The following SEPTIN12 variants were observed in gnomAD, a reference collection of about 807,000 sequenced individuals.
SEPTIN12 encodes septin-12.
SEPTIN12 carries 42 observed loss-of-function variants against 37.7 expected under a neutral mutation model. The observed-to-expected ratio is 1.11, with a 90% CI of 0.87 to 1.44. The LOEUF (loss-of-function observed/expected upper bound fraction) is 1.44. Among genes scored for constraint, SEPTIN12 ranks in the 40% most tolerant of loss-of-function variants. The pLI, the probability that SEPTIN12 is intolerant of heterozygous loss-of-function variation, is 0.00. For synonymous variants in SEPTIN12, 254 were observed against 196.7 expected (o/e 1.29, Z -2.44); for missense variants, 613 against 479.2 (o/e 1.28, Z -2.61).
chr16:4,782,504 T>C (rs1157663625), intron 7 of SEPTIN12, among the ~76,000 whole-genome samples: 4 of 152,196 alleles, frequency 2.6e-5, no homozygotes, highest in Admixed American at 2.6e-4. Flanking sequence ...AACTGCATGT[T>C]TAAGCATTTG....
At chr16:4,785,269 C>A (rs1209037518) in intron 4 of SEPTIN12, among the ~76,000 whole-genome samples, 1 of 148,956 alleles carries the variant, frequency 6.7e-6, no homozygotes, top group African/African-American at 2.5e-5. Flanking sequence ...AAAAATTAGC[C>A]GGAAATTGCT....
intron 4 of SEPTIN12, 25 bp from the exon 5 acceptor site, chr16:4,784,093 C>T (rs2082406611): frequency 6.2e-7 from 1 of 1,613,204 alleles, no homozygotes; most frequent in Admixed American, 1.7e-5. Flanking sequence ...GGACCCTCCC[C>T]TCAGAACTGT....
chr16:4,779,690 C>T lies in SEPTIN12; in HGVS notation c.823G>A (p.Val275Met). The T allele has an allele frequency of 6.2e-7, 1 of 1,607,242 alleles. No homozygotes were observed. Among genetic ancestry groups the T allele is most frequent in the Non-Finnish European group, 8.5e-7 (1 of 1,173,808 alleles). Residue 275 changes from valine (V) to methionine (M), a missense_variant and splice_region_variant, in exon 8 of 10, where the codon GTG becomes ATG. Physicochemically the swap from Val to Met is conservative, Grantham distance 21. Transcript: ENST00000268231. ...GRKTKWGIIE[V>M]ENMAHCEFPL... is the part of the protein sequence containing the mutation. Reference sequence around the variant, plus strand: ...TCCTACCCAGGGGCCCCGCACTGACCTTCAATGATGCCCCACTTGGTCTTC... The same window carrying T: ...TCCTACCCAGGGGCCCCGCACTGACTTTCAATGATGCCCCACTTGGTCTTC...
chr16:4,789,650 G>T (rs1274484322), upstream of SEPTIN12, among the ~76,000 whole-genome samples: 1 of 151,872 alleles, frequency 6.6e-6, no homozygotes, highest in Admixed American at 6.6e-5. Flanking sequence ...TTTGAGACAC[G>T]GTCTCACTAT....
chr16:4,790,270 A>G (rs144544941), upstream of SEPTIN12, among the ~76,000 whole-genome samples: 788 of 152,294 alleles, frequency 5.2e-3, 2 homozygotes, highest in African/African-American at 0.018. Flanking sequence ...TGTTGCAACT[A>G]CTATGCAACT....
At chr16:4,786,935 C>T (rs1159868157) in intron 2 of SEPTIN12, among the ~76,000 whole-genome samples, 4 of 152,054 alleles carry the variant, frequency 2.6e-5, no homozygotes, top group African/African-American at 4.8e-5. Flanking sequence ...AGTACAGTGG[C>T]GCAATCTCGG....
intron 4 of SEPTIN12, among the ~76,000 whole-genome samples, chr16:4,784,550 G>C (rs1010270006): frequency 1.5e-5 from 2 of 129,644 alleles, no homozygotes; most frequent in Admixed American, 1.6e-4. Flanking sequence ...CAGGAGGATC[G>C]CTCGAGCCCA....
At chr16:4,787,349 C>A in intron 2 of SEPTIN12, 131 bp downstream of exon 2, 1 of 834,720 alleles carries the variant, frequency 1.2e-6, no homozygotes, top group Non-Finnish European at 2.0e-6. Context: ...TGACAACATC[C>A]CTGTGAGGTG....
chr16:4,788,208 AG>A (rs1280514702), intron 1 of SEPTIN12, 71 bp downstream of exon 1: 1 of 156,090 alleles, frequency 6.4e-6, no homozygotes, highest in Non-Finnish European at 1.4e-5. Context: ...CAGGCAGGGA[AG>A]ATGGCTGGGA....
In SEPTIN12 at chr16:4,783,723, T is replaced by G. The variant is rs1160276772; in HGVS notation, c.556A>C (p.Thr186Pro). 1 of 1,613,962 alleles carries G rather than the reference T, an allele frequency of 6.2e-7. No individual in the cohort carries two copies. Among genetic ancestry groups the G allele is most frequent in the Non-Finnish European group, 8.5e-7 (1 of 1,179,970 alleles). ...GCAATCACGGGCACCACATTCACAGTCCGGCACAGCCGCTGCAGGAACTCA... is the reference window on the plus strand; with the variant it reads ...GCAATCACGGGCACCACATTCACAGGCCGGCACAGCCGCTGCAGGAACTCA... ...DIEFLQRLCR[T>P]VNVVPVIARA... Residue 186 changes from threonine (T) to proline (P), a missense_variant, in exon 6 of 10, where the codon ACT becomes CCT. Thr to Pro is a conservative substitution (Grantham distance 38, BLOSUM62 -1). Transcript: ENST00000268231.
intron 5 of SEPTIN12, 34 bp downstream of exon 5, chr16:4,783,897 G>A (rs1321628629): frequency 5.6e-6 from 9 of 1,613,474 alleles, no homozygotes; most frequent in Middle Eastern, 1.7e-4. Context: ...GCCCCGTGCA[G>A]GTGGTCCTCG....
intron 8 of SEPTIN12, among the ~76,000 whole-genome samples, chr16:4,779,382 C>T (rs1313274705): frequency 2.0e-5 from 3 of 152,166 alleles, no homozygotes; most frequent in Non-Finnish European, 4.4e-5. Context: ...GTAGGCCCAT[C>T]GTAATTTCCG....
At chr16:4,784,267 G>A (rs1210917483) in intron 4 of SEPTIN12, 199 bp from the exon 5 acceptor site, 8 of 593,120 alleles carry the variant, frequency 1.3e-5, no homozygotes, top group Admixed American at 2.9e-5. Flanking sequence ...TGCCATTCTC[G>A]GCTTCACTGT....
Position 4,786,206 on chromosome 16 carries a change from C to T in SEPTIN12, c.167-101G>A, listed in dbSNP as rs540271198. ...TTTTATTTTTGGAGACAGGTTCTCA[C>T]TCTGTCACCCAGGCTGGAGTGCAAT... On this transcript the variant is annotated intron_variant, in intron 2 of 9. Coordinates refer to ENST00000268231, the MANE Select transcript of SEPTIN12 (RefSeq NM_144605.5). 4.9e-6 allele frequency: 7 copies of T among 1,414,368 alleles called. No homozygotes were observed. In the African/African-American group the frequency reaches 1.0e-4, roughly 20 times the overall value. The allele number at this position is 1,414,368 out of a possible 1,614,324, so 87.6% of individuals were successfully genotyped here.
chr16:4,784,550 G>A (rs1010270006), intron 4 of SEPTIN12, among the ~76,000 whole-genome samples: 22 of 129,720 alleles, frequency 1.7e-4, no homozygotes, highest in South Asian at 2.9e-4. Context: ...CAGGAGGATC[G>A]CTCGAGCCCA....
chr16:4,780,500 A>G (rs1393224394), intron 7 of SEPTIN12, among the ~76,000 whole-genome samples: 2 of 152,044 alleles, frequency 1.3e-5, no homozygotes, highest in Non-Finnish European at 2.9e-5. Flanking sequence ...CACAACAGAG[A>G]CCCTACGGCC....
chr16:4,789,213 C>T (rs750187522), upstream of SEPTIN12, among the ~76,000 whole-genome samples: 1 of 152,166 alleles, frequency 6.6e-6, no homozygotes, highest in Non-Finnish European at 1.5e-5. Context: ...GGTTTCACCA[C>T]ATTGGTCAGG....
chr16:4,778,229 C>G, intron 8 of SEPTIN12, 92 bp from the exon 9 acceptor site: 7 of 1,320,330 alleles, frequency 5.3e-6, no homozygotes, highest in Non-Finnish European at 6.5e-6. Context: ...TCCCTTAGCC[C>G]TTTTCCCACA....
At chr16:4,784,355 G>T in intron 4 of SEPTIN12, 1 of 398,102 alleles carries the variant, frequency 2.5e-6, no homozygotes, top group Non-Finnish European at 4.7e-6. Context: ...AAGGGCCACA[G>T]CTGGGCCCAA....
Sources: allele counts gnomAD v4.1 joint callset (sites outside exome capture counted in the v4.1 genomes callset), GRCh38; gene constraint gnomAD v4.1.1; transcripts MANE v1.5; gene names NCBI Gene and HGNC (gene_info 2026-07-23, HGNC 2026-07-21).